The following SLC39A9 variants were observed in gnomAD, a reference collection of about 807,000 sequenced individuals.
SLC39A9 encodes zinc transporter ZIP9.
In SLC39A9, 14 loss-of-function variants were observed where a neutral mutation model predicts 28.4. The ratio of observed to expected loss-of-function variants is 0.49; its 90% CI spans 0.33 to 0.77. The LOEUF (loss-of-function observed/expected upper bound fraction) is 0.77. Ranked by LOEUF, SLC39A9 falls within the 30% of genes least tolerant of loss-of-function variation. The pLI is 0.02. For synonymous variants in SLC39A9, 119 were observed against 149.6 expected (o/e 0.80, Z 1.49); for missense variants, 283 against 381.1 (o/e 0.74, Z 2.14).
At chr14:69,443,710 A>C (rs1227137478) in intron 3 of SLC39A9, among the ~76,000 whole-genome samples, 1 of 152,122 alleles carries the variant, frequency 6.6e-6, no homozygotes, top group Non-Finnish European at 1.5e-5. Context: ...TCTCTACAAA[A>C]AATACAATAA....
chr14:69,416,213 C>T (rs573567758), intron 1 of SLC39A9, among the ~76,000 whole-genome samples: 12 of 152,220 alleles, frequency 7.9e-5, no homozygotes, highest in Admixed American at 5.2e-4. Flanking sequence ...TGAGTGAGAA[C>T]ATGCTGTGTT....
At chr14:69,442,007 C>G in intron 2 of SLC39A9, 62 bp from the exon 3 acceptor site, 2 of 1,559,770 alleles carry the variant, frequency 1.3e-6, no homozygotes, top group Non-Finnish European at 1.7e-6. Flanking sequence ...AATGGAAACT[C>G]CTACATGAAA....
intron 2 of SLC39A9, among the ~76,000 whole-genome samples, chr14:69,430,628 C>CTTTTTTTTTTTTTTTT (rs71446389): frequency 7.3e-6 from 1 of 137,748 alleles, no homozygotes; most frequent in African/African-American, 2.7e-5. Context: ...ATTTTTCTTT[C>CTTTTTTTTTTTTTTTT]TTTTTTTTTT....
chr14:69,443,915 GT>G (rs1231750251), intron 3 of SLC39A9, among the ~76,000 whole-genome samples: 3 of 151,670 alleles, frequency 2.0e-5, no homozygotes, highest in African/African-American at 7.3e-5. Flanking sequence ...GCCAAGCGTG[GT>G]GGCTCATGCC....
At position 69,460,797 on chromosome 14, in the gene SLC39A9, A is replaced by C; in HGVS notation, c.*2204A>C. On this transcript the variant is annotated 3_prime_UTR_variant, in exon 7 of 7. Coordinates refer to ENST00000336643, the MANE Select transcript of SLC39A9 (RefSeq NM_018375.5). ...AGGGCCCTCTTAGCTCTCAGAAGCT[A>C]TGTATGGGCTTTCCCAGATTTTAAA... The C allele has an allele frequency of 2.0e-6, 2 of 985,486 alleles. No homozygotes were observed. Among genetic ancestry groups the C allele is most frequent in the Non-Finnish European group, 2.4e-6 (2 of 829,952 alleles). 61.0% of individuals were successfully genotyped at this position (985,486 alleles called of 1,614,324 possible).
intron 1 of SLC39A9, among the ~76,000 whole-genome samples, chr14:69,403,013 C>T (rs1882720887): frequency 6.6e-6 from 1 of 151,932 alleles, no homozygotes. Flanking sequence ...ACCCAGGAGG[C>T]GGAGGTTGCA....
chr14:69,448,770 TTGATAAC>T (rs1309876217), intron 3 of SLC39A9, among the ~76,000 whole-genome samples: 2 of 152,238 alleles, frequency 1.3e-5, no homozygotes, highest in East Asian at 3.8e-4. Context: ...AGTGTCAGTG[TTGATAAC>T]TGTACTGTGA....
intron 2 of SLC39A9, among the ~76,000 whole-genome samples, chr14:69,432,084 G>A (rs375490109): frequency 6.6e-6 from 1 of 152,162 alleles, no homozygotes; most frequent in Non-Finnish European, 1.5e-5. Context: ...ATGCAGTAAC[G>A]GGATTGCAGG....
At chr14:69,423,985 A>G (rs1465805521) in intron 1 of SLC39A9, 109 bp from the exon 2 acceptor site, 3 of 675,100 alleles carry the variant, frequency 4.4e-6, no homozygotes, top group Admixed American at 2.5e-5. Flanking sequence ...TCTATTGTAG[A>G]TGTTGGTCTC....
chr14:69,454,527 T>C (rs76677476), intron 4 of SLC39A9, among the ~76,000 whole-genome samples: 1 of 152,384 alleles, frequency 6.6e-6, no homozygotes, highest in East Asian at 1.9e-4. Context: ...GAAAATTGAA[T>C]GTTAGTTTTC....
At chr14:69,405,033 G>A (rs972851521) in intron 1 of SLC39A9, among the ~76,000 whole-genome samples, 7 of 152,146 alleles carry the variant, frequency 4.6e-5, no homozygotes, top group African/African-American at 1.7e-4. Flanking sequence ...ATGGAGAAGT[G>A]CTGAGCAAAA....
chr14:69,444,673 A>G (rs1008898701), intron 3 of SLC39A9, among the ~76,000 whole-genome samples: 3 of 152,254 alleles, frequency 2.0e-5, no homozygotes, highest in African/African-American at 7.2e-5. Context: ...CAGCTCCAAT[A>G]TGAAAATACA....
intron 2 of SLC39A9, among the ~76,000 whole-genome samples, chr14:69,440,698 A>G (rs1317485791): frequency 6.6e-6 from 1 of 152,164 alleles, no homozygotes; most frequent in Non-Finnish European, 1.5e-5. Flanking sequence ...TTTTTGAGAC[A>G]GAGTCTCCCT....
At position 69,454,853 on chromosome 14, in the gene SLC39A9, A is replaced by G; in HGVS notation, c.514A>G (p.Thr172Ala). The change falls in exon 5 of 7, where the codon ACC (threonine) becomes GCC (alanine). Residue 172 changes from threonine to alanine, a missense_variant. Physicochemically the swap from Thr to Ala is moderately conservative, Grantham distance 58 (BLOSUM62 0). Transcript: ENST00000336643. Reference protein sequence around the residue: ...ALGAAASTSQTSVQLIVFVAI... With the variant: ...ALGAAASTSQASVQLIVFVAI... Reference sequence around the variant, plus strand: ...GGGAGCAGCAGCATCTACTTCACAGACCAGTGTCCAGTTAATTGTGTTTGT... The same window carrying G: ...GGGAGCAGCAGCATCTACTTCACAGGCCAGTGTCCAGTTAATTGTGTTTGT... 1 of 1,614,080 alleles carries G rather than the reference A, an allele frequency of 6.2e-7. No individual in the cohort carries two copies. Among genetic ancestry groups the G allele is most frequent in the South Asian group, 1.1e-5 (1 of 91,072 alleles).
At chr14:69,457,865 T>C (rs1035435497) in intron 6 of SLC39A9, among the ~76,000 whole-genome samples, 1 of 152,108 alleles carries the variant, frequency 6.6e-6, no homozygotes, top group Non-Finnish European at 1.5e-5. Flanking sequence ...GCCACTCAAC[T>C]CCAGCCTGGG....
rs568054137 is a variant in SLC39A9, at chr14:69,399,415, G to T, written c.46G>T (p.Val16Leu). The T allele has an allele frequency of 5.6e-6, 9 of 1,614,152 alleles. No homozygotes were observed. The South Asian group carries it at 9.9e-5, about 18-fold the overall frequency. The change falls in exon 1 of 7, where the codon GTG becomes TTG. Residue 16 changes from valine to leucine, a missense_variant. Val to Leu is a conservative substitution (Grantham distance 32). Transcript: ENST00000336643. The stretch of plus-strand genomic sequence containing the variant: ...TAGCCTGCTGTCTCTGGCTATGTTG[G>T]TGGGATGTTACGTGGCCGGAATCAT... The part of the protein sequence containing the change: ...SISLLSLAML[V>L]GCYVAGIIPL...
chr14:69,434,203 C>T lies in SLC39A9; in HGVS notation c.206-7866C>T, dbSNP rs369775819. On this transcript the variant is annotated intron_variant, in intron 2 of 6. Transcript: ENST00000336643. ...GGTTCAAGCAATTCTCCTGTCTGAG[C>T]CTCCCAAGTAGCTGGGATTACAGGC... Among the ~76,000 whole-genome samples, 35 of 151,470 alleles carry T rather than the reference C, an allele frequency of 2.3e-4. 1 individual carries two copies. The East Asian group carries it at 4.7e-3, about 20-fold the overall frequency.
In SLC39A9 at chr14:69,460,751, C is replaced by T. The variant is rs759363162; in HGVS notation, c.*2158C>T. 3 of 985,362 alleles carry T rather than the reference C, an allele frequency of 3.0e-6. No individual in the cohort carries two copies. The highest frequency in any genetic ancestry group is 1.7e-5 in the African/African-American group (1 of 57,248). 61.0% of individuals were successfully genotyped at this position (985,362 alleles called of 1,614,324 possible). ...AATTTGCCTTCCCCTCTGGACCTCA[C>T]TATTAACAAGCAAACCTTTCAGGGC... On this transcript the variant is annotated 3_prime_UTR_variant, in exon 7 of 7. Transcript: ENST00000336643.
At chr14:69,455,201 T>C (rs1279044653) in intron 5 of SLC39A9, among the ~76,000 whole-genome samples, 3 of 152,218 alleles carry the variant, frequency 2.0e-5, no homozygotes, top group African/African-American at 4.8e-5. Flanking sequence ...TTTCTCTTTT[T>C]TACTATCCAA....
Sources: allele counts gnomAD v4.1 joint callset (sites outside exome capture counted in the v4.1 genomes callset), GRCh38; gene constraint gnomAD v4.1.1; transcripts MANE v1.5; gene names NCBI Gene and HGNC (gene_info 2026-07-23, HGNC 2026-07-21).